Variants in TERF2 observed in about 807,000 individuals in gnomAD.
The protein encoded by TERF2 is telomeric repeat binding factor 2.
TERF2 carries 16 observed loss-of-function variants against 56.1 expected under a neutral mutation model. That is an observed-to-expected ratio of 0.29 (90% confidence interval 0.19 to 0.43). The LOEUF is 0.43. Ranked by LOEUF, TERF2 falls within the 20% of genes least tolerant of loss-of-function variation. The pLI is 1.00. For synonymous variants in TERF2, 296 were observed against 282.1 expected, an observed-to-expected ratio of 1.05 and a Z score of -0.50; for missense variants, 547 against 712.9, an observed-to-expected ratio of 0.77 and a Z score of 2.65.
At chr16:69,358,560 T>C (rs1221634117) in intron 8 of TERF2, among the ~76,000 whole-genome samples, 1 of 152,264 alleles carries the variant, frequency 6.6e-6, no homozygotes, top group African/African-American at 2.4e-5. Context: ...TACAGTCATA[T>C]GTTGCTTAAC....
Position 69,367,001 on chromosome 16 carries a change from G to A in TERF2, c.1146C>T (p.Ala382=), listed in dbSNP as rs1471140385. Residue 382 remains alanine, a synonymous_variant, in exon 7 of 10, where the codon GCC becomes GCT. Coordinates refer to ENST00000254942, the MANE Select transcript of TERF2 (RefSeq NM_005652.5). ...CCGAGCCACCCTCACCGTCAGCCGGGGCTGAACTTTCGTTTTCATCTTTTC... is the reference window on the plus strand; with the variant it reads ...CCGAGCCACCCTCACCGTCAGCCGGAGCTGAACTTTCGTTTTCATCTTTTC... ...RPRKDENESS[A]PADGEGGSEL... 2 of 1,614,206 alleles carry A rather than the reference G, an allele frequency of 1.2e-6. No individual in the cohort carries two copies. Among genetic ancestry groups the A allele is most frequent in the African/African-American group, 1.3e-5 (1 of 75,048 alleles).
intron 7 of TERF2, among the ~76,000 whole-genome samples, chr16:69,362,743 G>C (rs765438433): frequency 2.0e-5 from 3 of 152,174 alleles, no homozygotes; most frequent in Admixed American, 6.5e-5. Flanking sequence ...CCTGGGAACA[G>C]AGCAAAGCAC....
chr16:69,368,658 T>G (rs1409456894), intron 5 of TERF2, 176 bp from the exon 6 acceptor site: 1 of 1,495,990 alleles, frequency 6.7e-7, no homozygotes, highest in Non-Finnish European at 8.9e-7. Context: ...ATCAAGCTTT[T>G]TTTATTCAAA....
Position 69,359,484 on chromosome 16 carries a change from C to T in TERF2, c.1426+1920G>A, listed in dbSNP as rs1398437936. 4.0e-5 allele frequency among the ~76,000 whole-genome samples: 6 copies of T among 148,416 alleles called. No individual in the cohort carries two copies. The South Asian group carries it at 8.6e-4, about 21-fold the overall frequency. ...TGGAGGTTGCGGTGAGGCAAGATCG[C>T]GCCACTGCACCCCAGCCTGGGCAAC... On this transcript the variant is annotated intron_variant, in intron 8 of 9. Transcript: ENST00000254942.
At chr16:69,384,732 AT>A in intron 2 of TERF2, 22 bp from the exon 3 acceptor site, 1 of 1,567,022 alleles carries the variant, frequency 6.4e-7, no homozygotes, top group Non-Finnish European at 8.6e-7. Context: ...CACAGTTTTC[AT>A]TTTTAAGCTC....
chr16:69,379,182 A>C (rs1052422723), intron 3 of TERF2, among the ~76,000 whole-genome samples: 3 of 152,230 alleles, frequency 2.0e-5, no homozygotes, highest in Non-Finnish European at 4.4e-5. Flanking sequence ...ACAAAGGAAG[A>C]GAAGAAGACC....
rs1449779536 is a variant in TERF2 at position 69,361,384 on chromosome 16, A to C, written c.1426+20T>G. 6.4e-7 allele frequency: 1 copy of C among 1,570,280 alleles called. No individual in the cohort carries two copies. Among genetic ancestry groups the C allele is most frequent in the African/African-American group, 1.4e-5 (1 of 73,984 alleles). On this transcript the variant is annotated intron_variant, in intron 8 of 9. Coordinates refer to ENST00000254942, the MANE Select transcript of TERF2 (RefSeq NM_005652.5). The stretch of plus-strand genomic sequence containing the variant: ...CTTCAGCAAGCATCAAGAAGAGGCC[A>C]AGGAGAATCTTCTGCTTACCCTGAA...
At position 69,384,502 on chromosome 16, in the gene TERF2, C is replaced by T. The variant is rs1162436690; in HGVS notation, c.606+78G>A. On this transcript the variant is annotated intron_variant, in intron 3 of 9. Coordinates refer to ENST00000254942, the MANE Select transcript of TERF2 (RefSeq NM_005652.5). Reference sequence around the variant, plus strand: ...CATTGCTGTTTTCCTCTGCCCCACACAGTAAAGAGTAAGTGCTGTATCCTC... The same window carrying T: ...CATTGCTGTTTTCCTCTGCCCCACATAGTAAAGAGTAAGTGCTGTATCCTC... 8 of 1,485,082 alleles carry T rather than the reference C, an allele frequency of 5.4e-6. No individual in the cohort carries two copies. The Admixed American group carries it at 1.2e-4, about 23-fold the overall frequency. 92.0% of individuals were successfully genotyped at this position (1,485,082 alleles called of 1,614,324 possible). A position where few individuals can be genotyped will look rare whatever the true frequency, so the allele number is the denominator to read the frequency against.
intron 7 of TERF2, among the ~76,000 whole-genome samples, chr16:69,362,559 A>G (rs568832371): frequency 6.6e-6 from 1 of 152,354 alleles, no homozygotes; most frequent in East Asian, 1.9e-4. Context: ...TTATACCATC[A>G]AAGATTAGAG....
intron 3 of TERF2, among the ~76,000 whole-genome samples, chr16:69,384,331 A>G (rs1413140232): frequency 6.6e-6 from 1 of 152,200 alleles, no homozygotes; most frequent in East Asian, 1.9e-4. Flanking sequence ...CCAAAATGTC[A>G]GAGCTTCAAT....
chr16:69,369,802 C>T (rs1005421918), intron 5 of TERF2, among the ~76,000 whole-genome samples: 1 of 152,144 alleles, frequency 6.6e-6, no homozygotes, highest in Non-Finnish European at 1.5e-5. Flanking sequence ...CACCTTTCTC[C>T]ACACCATGCC....
intron 3 of TERF2, among the ~76,000 whole-genome samples, chr16:69,382,123 G>A (rs1376035651): frequency 2.0e-5 from 3 of 152,220 alleles, no homozygotes; most frequent in South Asian, 2.1e-4. Context: ...TTCTGCTTAT[G>A]AAAACAGTTT....
In TERF2 at chr16:69,370,572, T is replaced by C. The variant is rs756213131; in HGVS notation, c.751A>G (p.Ile251Val). The change falls in exon 5 of 10, where the codon ATC (isoleucine) becomes GTC (valine). Residue 251 changes from isoleucine (I) to valine (V), a missense_variant. This residue lies in a region of TERF2 where 97 missense variants were observed against 157.0 expected (regional missense o/e 0.62). Transcript: ENST00000254942. ...IREKNLAHPV[I>V]QNFSYETFQQ... The stretch of plus-strand genomic sequence containing the variant: ...AAGGTCTCATATGAAAAGTTCTGGA[T>C]AACAGGATGGGCCAAGTTCTTTTCT... 6.2e-7 allele frequency: 1 copy of C among 1,614,164 alleles called. No homozygotes were observed.
chr16:69,360,654 G>A (rs1363382729), intron 8 of TERF2, among the ~76,000 whole-genome samples: 2 of 137,706 alleles, frequency 1.5e-5, no homozygotes, highest in East Asian at 2.1e-4. Context: ...GCTACAGTGA[G>A]CCAAGATCAC....
rs2012924696 is a variant in TERF2 at position 69,356,832 on chromosome 16, G to T, written c.*66C>A. The T allele has an allele frequency of 4.2e-6, 6 of 1,428,822 alleles. No homozygotes were observed. The African/African-American group carries it at 4.3e-5, about 10-fold the overall frequency. The allele number at this position is 1,428,822 out of a possible 1,614,324, so 88.5% of individuals were successfully genotyped here. A position where few individuals can be genotyped will look rare whatever the true frequency, so the allele number is the denominator to read the frequency against. On this transcript the variant is annotated 3_prime_UTR_variant, in exon 10 of 10. Coordinates refer to ENST00000254942, the MANE Select transcript of TERF2 (RefSeq NM_005652.5). The stretch of plus-strand genomic sequence containing the variant: ...AAAAAAAAAGAAAAAGAAAGAAAGA[G>T]CAGACTATCAGGGGCTATTATTAGG...
chr16:69,366,739 GAAGT>G, intron 7 of TERF2, 64 bp downstream of exon 7: 1 of 1,522,558 alleles, frequency 6.6e-7, no homozygotes, highest in Non-Finnish European at 8.8e-7. Context: ...TTCATTCACG[GAAGT>G]AATACCAGGC....
chr16:69,360,384 C>CA (rs748671889), intron 8 of TERF2, among the ~76,000 whole-genome samples: 236 of 128,550 alleles, frequency 1.8e-3, no homozygotes, highest in African/African-American at 4.0e-3. Context: ...GACTGCATCT[C>CA]AAAAAAAAAA....
chr16:69,385,222 G>A (rs2014148587), intron 2 of TERF2, among the ~76,000 whole-genome samples, 169 bp downstream of exon 2: 1 of 152,032 alleles, frequency 6.6e-6, no homozygotes, highest in Non-Finnish European at 1.5e-5. Context: ...ACCTTAACCG[G>A]AGAAAACTAG....
intron 7 of TERF2, 124 bp downstream of exon 7, chr16:69,366,683 G>A: frequency 7.8e-7 from 1 of 1,285,818 alleles, no homozygotes; most frequent in Non-Finnish European, 1.0e-6. Context: ...TCAAGTTCTA[G>A]CAGTCTGAGC....
Sources: gnomAD v4.1 joint callset for allele counts (sites outside exome capture counted in the v4.1 genomes callset) on GRCh38, gnomAD v4.1.1 for gene constraint, gnomAD v4.1.1 regional missense constraint, MANE v1.5 for transcripts, NCBI Gene and HGNC (gene_info 2026-07-23, HGNC 2026-07-21) for gene names.